The following STK38 variants were observed in gnomAD, a reference collection of about 807,000 sequenced individuals.
STK38 encodes the protein serine/threonine kinase 38.
Under a neutral mutation model 59.0 loss-of-function variants are expected in STK38, and 26 were observed. The observed-to-expected ratio is 0.44, with a 90% CI of 0.32 to 0.61. STK38 has a LOEUF of 0.61. Among genes scored for constraint, STK38 ranks in the 20% least tolerant of loss-of-function variants. STK38 has a pLI of 0.04. For synonymous variants in STK38, 175 were observed against 176.6 expected, an observed-to-expected ratio of 0.99 and a Z score of 0.07; for missense variants, 433 against 566.0, an observed-to-expected ratio of 0.76 and a Z score of 2.38.
chr6:36,539,401 C>A (rs1047692323), intron 2 of STK38, among the ~76,000 whole-genome samples: 7 of 149,918 alleles, frequency 4.7e-5, no homozygotes, highest in Non-Finnish European at 5.9e-5. Flanking sequence ...AAAAAAAAAA[C>A]CAATAAATAA....
At chr6:36,535,151 C>T (rs1777758748) in intron 2 of STK38, among the ~76,000 whole-genome samples, 2 of 152,150 alleles carry the variant, frequency 1.3e-5, no homozygotes, top group South Asian at 4.2e-4. Context: ...CTAAAGAAGA[C>T]CTTAAAAATG....
At chr6:36,526,558 A>C (rs544119508) in intron 2 of STK38, among the ~76,000 whole-genome samples, 2 of 152,172 alleles carry the variant, frequency 1.3e-5, no homozygotes, top group South Asian at 4.1e-4. Flanking sequence ...CAGGAGTCCA[A>C]GACCAGCCTG....
In STK38 at chr6:36,496,689, G is replaced by A. The variant is rs779937419; in HGVS notation, c.1267+22C>T. ...AAATAATGTGCTTATAAGGCAGCAG[G>A]AGACAATGCTGGTGGTGTTACCTGT... On this transcript the variant is annotated intron_variant, in intron 13 of 13. Transcript: ENST00000229812. 1.9e-6 allele frequency: 3 copies of A among 1,567,460 alleles called. No individual in the cohort carries two copies. In the Admixed American group the frequency reaches 5.0e-5, roughly 26 times the overall value.
At chr6:36,521,951 G>A in intron 4 of STK38, 134 bp from the exon 5 acceptor site, 3 of 639,458 alleles carry the variant, frequency 4.7e-6, no homozygotes, top group Non-Finnish European at 7.7e-6. Context: ...TAACAAAGCA[G>A]AAGAAAATGC....
intron 1 of STK38, among the ~76,000 whole-genome samples, chr6:36,546,344 G>GT (rs1240041793): frequency 1.2e-4 from 19 of 152,160 alleles, no homozygotes; most frequent in African/African-American, 4.1e-4. Context: ...GAGGAAGCTG[G>GT]TATCTAACGT....
intron 4 of STK38, 65 bp from the exon 5 acceptor site, chr6:36,521,882 T>TTA: frequency 3.1e-6 from 4 of 1,272,692 alleles, no homozygotes; most frequent in Non-Finnish European, 4.4e-6. Context: ...CTTTCATGTG[T>TTA]TATAGGATGC....
chr6:36,514,709 TG>T (rs1301360518), intron 7 of STK38, among the ~76,000 whole-genome samples: 2 of 151,648 alleles, frequency 1.3e-5, no homozygotes, highest in Non-Finnish European at 2.9e-5. Flanking sequence ...GGCAGGGGCG[TG>T]GTGGTGCATG....
At chr6:36,501,805 T>C (rs1023998532) in intron 9 of STK38, among the ~76,000 whole-genome samples, 4 of 152,234 alleles carry the variant, frequency 2.6e-5, no homozygotes, top group Admixed American at 6.5e-5. Context: ...TATACTGTTA[T>C]ATAAATTAGT....
At chr6:36,524,212 G>A (rs1777452666) in intron 4 of STK38, 129 bp downstream of exon 4, 3 of 1,087,992 alleles carry the variant, frequency 2.8e-6, no homozygotes, top group Non-Finnish European at 2.5e-6. Flanking sequence ...CAATTAGGAT[G>A]TGGGGCTGGC....
Position 36,513,317 on chromosome 6 carries a change from C to CTT in STK38, c.669+2019_669+2020dup, listed in dbSNP as rs775876993. Among the ~76,000 whole-genome samples, 23 of 117,926 alleles carry CTT rather than the reference C, an allele frequency of 2.0e-4. No individual in the cohort carries two copies. The East Asian group carries it at 3.0e-3, about 15-fold the overall frequency. 77.4% of individuals were successfully genotyped at this position (117,926 alleles called of 152,430 possible). A position where few individuals can be genotyped will look rare whatever the true frequency, so the allele number is the denominator to read the frequency against. Reference sequence around the variant, plus strand: ...ACAGGTGTGAGCCACTGCGTCTGGCCTTTTTTTTTTTTTTTTGAGAAGGAG... The same window carrying CTT: ...ACAGGTGTGAGCCACTGCGTCTGGCCTTTTTTTTTTTTTTTTTTGAGAAGGAG... On this transcript the variant is annotated intron_variant, in intron 7 of 13. Coordinates refer to ENST00000229812, the MANE Select transcript of STK38 (RefSeq NM_007271.4).
chr6:36,524,409 T>G lies in STK38; in HGVS notation c.238A>C (p.Lys80Gln). ...TCTTCCAATCCAAGTCTTGTTCTCT[T>G]CAAACGAAGAAACTCTGTTTCCTTC... ...ARKETEFLRL[K>Q]RTRLGLEDFE... is the part of the protein sequence containing the mutation. The change falls in exon 4 of 14, where the codon AAG becomes CAG. Residue 80 changes from lysine (K) to glutamine (Q), a missense_variant. By Grantham distance (53) the Lys-to-Gln change is moderately conservative. This residue lies in a region of STK38 where 293 missense variants were observed against 388.2 expected (regional missense o/e 0.75). Coordinates refer to ENST00000229812, the MANE Select transcript of STK38 (RefSeq NM_007271.4). The G allele has an allele frequency of 6.2e-7, 1 of 1,613,572 alleles. No individual in the cohort carries two copies. The highest frequency in any genetic ancestry group is 8.5e-7 in the Non-Finnish European group (1 of 1,179,834).
chr6:36,537,289 A>G (rs1270779255), intron 2 of STK38, among the ~76,000 whole-genome samples: 1 of 152,196 alleles, frequency 6.6e-6, no homozygotes, highest in Non-Finnish European at 1.5e-5. Context: ...TGTAAAGTAA[A>G]TAGAACTCTC....
intron 9 of STK38, among the ~76,000 whole-genome samples, chr6:36,504,898 CAAAAAAAAAAAAA>C (rs562032331): frequency 3.0e-4 from 19 of 64,078 alleles, no homozygotes; most frequent in Admixed American, 1.3e-3. Flanking sequence ...TCCTGGCCTC[CAAAAAAAAAAAAA>C]AAAAAAAAAA....
chr6:36,499,091 CATAAA>C (rs1776775432), intron 10 of STK38, among the ~76,000 whole-genome samples: 2 of 152,092 alleles, frequency 1.3e-5, no homozygotes, highest in Non-Finnish European at 2.9e-5. Context: ...GAAAGGAGGA[CATAAA>C]TAGAGTTGCA....
At chr6:36,523,887 G>A (rs1777445211) in intron 4 of STK38, among the ~76,000 whole-genome samples, 1 of 152,166 alleles carries the variant, frequency 6.6e-6, no homozygotes, top group South Asian at 2.1e-4. Context: ...TTCTCGAGAG[G>A]CAGTGCAGTA....
chr6:36,529,577 C>T lies in STK38; in HGVS notation c.132-3935G>A, dbSNP rs114917099. ...CACTTAGAGGCCATATCCAGCCTCA[C>T]CCCAGTGATGCCTTCCATGTGTTCC... On this transcript the variant is annotated intron_variant, in intron 2 of 13. Coordinates refer to ENST00000229812, the MANE Select transcript of STK38 (RefSeq NM_007271.4). Among the ~76,000 whole-genome samples the T allele has an allele frequency of 6.3e-3, 967 of 152,286 alleles. 7 individuals are homozygous for T. The highest frequency in any genetic ancestry group is 9.9e-3 in the Non-Finnish European group (673 of 68,016).
In STK38 at chr6:36,500,598, A is replaced by T. The variant is rs1742597377; in HGVS notation, c.835-608T>A. On this transcript the variant is annotated intron_variant, in intron 9 of 13. Coordinates refer to ENST00000229812, the MANE Select transcript of STK38 (RefSeq NM_007271.4). Reference sequence around the variant, plus strand: ...AACATGGTGAAAACCCGTCTCTACTAAAAATACAAAAATTAGCTGGGCGTG... The same window carrying T: ...AACATGGTGAAAACCCGTCTCTACTTAAAATACAAAAATTAGCTGGGCGTG... Among the ~76,000 whole-genome samples, 5 of 151,810 alleles carry T rather than the reference A, an allele frequency of 3.3e-5. No homozygotes were observed. The South Asian group carries it at 1.0e-3, about 32-fold the overall frequency.
At chr6:36,515,830 C>T (rs943913678) in intron 6 of STK38, among the ~76,000 whole-genome samples, 5 of 152,190 alleles carry the variant, frequency 3.3e-5, no homozygotes, top group African/African-American at 1.2e-4. Flanking sequence ...CTTTACTTTT[C>T]ACTTTGCCTG....
chr6:36,504,898 C>CAAAAAAAAAAAA (rs562032331), intron 9 of STK38, among the ~76,000 whole-genome samples: 4 of 64,064 alleles, frequency 6.2e-5, no homozygotes, highest in African/African-American at 1.2e-4. Flanking sequence ...TCCTGGCCTC[C>CAAAAAAAAAAAA]AAAAAAAAAA....
Sources: gnomAD v4.1 joint callset for allele counts (sites outside exome capture counted in the v4.1 genomes callset) on GRCh38, gnomAD v4.1.1 for gene constraint, gnomAD v4.1.1 regional missense constraint, MANE v1.5 for transcripts, NCBI Gene and HGNC (gene_info 2026-07-23, HGNC 2026-07-21) for gene names.